Variants in ZNF280D observed in about 807,000 individuals in gnomAD.
The protein encoded by ZNF280D is zinc finger protein 280D, also known as suppressor of hairy wing homolog 4.
Under a neutral mutation model 94.7 loss-of-function variants are expected in ZNF280D, and 39 were observed. That is an observed-to-expected ratio of 0.41 (90% CI 0.32 to 0.54). The LOEUF is 0.54. Ranked by LOEUF, ZNF280D falls within the 20% of genes least tolerant of loss-of-function variation. The pLI, the probability that ZNF280D is intolerant of heterozygous loss-of-function variation, is 0.22. For synonymous variants in ZNF280D, 398 were observed against 377.6 expected (o/e 1.05, Z -0.63); for missense variants, 1,090 against 1,149.3 (o/e 0.95, Z 0.75).
At chr15:56,656,659 T>A (rs77012161) in intron 17 of ZNF280D, among the ~76,000 whole-genome samples, 5 of 152,188 alleles carry the variant, frequency 3.3e-5, no homozygotes, top group African/African-American at 1.2e-4. Flanking sequence ...GGGACCTATT[T>A]TCCACGTACA....
intron 6 of ZNF280D, chr15:56,699,270 A>C (rs893701926): frequency 4.0e-5 from 23 of 572,012 alleles, no homozygotes; most frequent in African/African-American, 6.1e-5. Flanking sequence ...ATAGTTATTT[A>C]ATAGAAATGA....
chr15:56,708,621 C>T (rs1488997093), intron 1 of ZNF280D, among the ~76,000 whole-genome samples: 1 of 152,130 alleles, frequency 6.6e-6, no homozygotes, highest in Non-Finnish European at 1.5e-5. Flanking sequence ...TACAAGGCTA[C>T]AGTAACCAAA....
At chr15:56,655,266 G>A (rs1261606477) in intron 17 of ZNF280D, among the ~76,000 whole-genome samples, 4 of 152,200 alleles carry the variant, frequency 2.6e-5, no homozygotes, top group Non-Finnish European at 5.9e-5. Context: ...GGAGTGCAGT[G>A]GCGTGATCTC....
chr15:56,731,584 G>T (rs2058893376), intron 1 of ZNF280D, among the ~76,000 whole-genome samples: 1 of 150,088 alleles, frequency 6.7e-6, no homozygotes, highest in African/African-American at 2.4e-5. Flanking sequence ...ACTACACCAC[G>T]TTAGATTTTA....
Position 56,631,335 on chromosome 15 carries a change from T to C in ZNF280D, c.*163A>G, listed in dbSNP as rs2052059979. On this transcript the variant is annotated 3_prime_UTR_variant, in exon 22 of 22. Coordinates refer to ENST00000267807, the MANE Select transcript of ZNF280D (RefSeq NM_017661.4). ...TACTAATCATGCTATTATTGGTGAATTGATTTGTTTGATAACATAGGTTGA... is the reference window on the plus strand; with the variant it reads ...TACTAATCATGCTATTATTGGTGAACTGATTTGTTTGATAACATAGGTTGA... The C allele has an allele frequency of 4.3e-6, 3 of 689,700 alleles. No homozygotes were observed. In the East Asian group the frequency reaches 7.9e-5, roughly 18 times the overall value. 42.7% of individuals were successfully genotyped at this position (689,700 alleles called of 1,614,324 possible).
intron 17 of ZNF280D, 25 bp from the exon 18 acceptor site, chr15:56,654,528 G>T: frequency 6.5e-7 from 1 of 1,536,650 alleles, no homozygotes; most frequent in Non-Finnish European, 8.7e-7. Flanking sequence ...ATTAAAAAAA[G>T]ATTTTTATCT....
At chr15:56,730,609 A>C (rs1432459735) in intron 1 of ZNF280D, 1 of 152,244 alleles carries the variant, frequency 6.6e-6, no homozygotes, top group Non-Finnish European at 1.5e-5. Context: ...CTATGGCTAA[A>C]ATGGTCCTAA....
rs149106603 is a variant in ZNF280D at position 56,656,030 on chromosome 15, T to C, written c.2058-1527A>G. On this transcript the variant is annotated intron_variant, in intron 17 of 21. Coordinates refer to ENST00000267807, the MANE Select transcript of ZNF280D (RefSeq NM_017661.4). ...ATCCTTTAAAGCCAAGTAGGCCTAA[T>C]ACCTATCCAGATCACTACAAGAACT... Among the ~76,000 whole-genome samples, 43 of 152,312 alleles carry C rather than the reference T, an allele frequency of 2.8e-4. 1 individual carries two copies. The East Asian group carries it at 6.9e-3, about 25-fold the overall frequency.
At chr15:56,720,993 C>T (rs1321373035) in intron 1 of ZNF280D, among the ~76,000 whole-genome samples, 1 of 146,786 alleles carries the variant, frequency 6.8e-6, no homozygotes, top group Non-Finnish European at 1.5e-5. Context: ...GACAGAGTCT[C>T]GCTCCATTGA....
At chr15:56,729,436 T>A (rs1286884838) in intron 1 of ZNF280D, among the ~76,000 whole-genome samples, 1 of 152,184 alleles carries the variant, frequency 6.6e-6, no homozygotes, top group East Asian at 1.9e-4. Flanking sequence ...TGATTCTTAT[T>A]GTCCTAAGGA....
At chr15:56,635,037 A>G (rs979301489) in intron 21 of ZNF280D, 158 bp downstream of exon 21, 214 of 369,632 alleles carry the variant, frequency 5.8e-4, no homozygotes, top group Non-Finnish European at 6.5e-4. Flanking sequence ...TCTTGGATTA[A>G]AGTTTTTAAG....
chr15:56,706,909 AT>A (rs1443474302), intron 3 of ZNF280D, among the ~76,000 whole-genome samples, 172 bp downstream of exon 3: 1 of 152,046 alleles, frequency 6.6e-6, no homozygotes, highest in African/African-American at 2.4e-5. Flanking sequence ...AAACACTTCT[AT>A]TTTACTCACT....
At chr15:56,664,206 TGTTA>T (rs1385864284) in intron 16 of ZNF280D, among the ~76,000 whole-genome samples, 2 of 152,044 alleles carry the variant, frequency 1.3e-5, no homozygotes, top group East Asian at 1.9e-4. Context: ...AAAAGAGGAA[TGTTA>T]GTTGGTAGGT....
chr15:56,673,076 G>A (rs2054975918), intron 13 of ZNF280D, among the ~76,000 whole-genome samples: 7 of 151,998 alleles, frequency 4.6e-5, no homozygotes, highest in Admixed American at 4.6e-4. Context: ...CAGGTAAAAA[G>A]TTCACCAGAG....
At position 56,646,560 on chromosome 15, in the gene ZNF280D, T is replaced by A. The variant is rs374732627; in HGVS notation, c.2214-3563A>T. Among the ~76,000 whole-genome samples, 6 of 152,360 alleles carry A rather than the reference T, an allele frequency of 3.9e-5. No homozygotes were observed. In the South Asian group the frequency reaches 1.2e-3, roughly 32 times the overall value. On this transcript the variant is annotated intron_variant, in intron 19 of 21. Coordinates refer to ENST00000267807, the MANE Select transcript of ZNF280D (RefSeq NM_017661.4). ...ACAGTAAAACATCTACTCTACCATT[T>A]CTGATCATTTGTTCTGAGAATTATC...
At chr15:56,647,544 A>T (rs2140609485) in intron 19 of ZNF280D, among the ~76,000 whole-genome samples, 1 of 151,978 alleles carries the variant, frequency 6.6e-6, no homozygotes, top group Non-Finnish European at 1.5e-5. Context: ...TTATTTATTT[A>T]TTTTTTAAAC....
chr15:56,642,873 T>C, intron 20 of ZNF280D, 79 bp downstream of exon 20: 1 of 1,101,074 alleles, frequency 9.1e-7, no homozygotes, highest in Non-Finnish European at 1.2e-6. Context: ...CATGCTGAAA[T>C]TGAAAAAAAA....
At chr15:56,705,465 T>TA (rs2057348606) in intron 3 of ZNF280D, among the ~76,000 whole-genome samples, 1 of 152,180 alleles carries the variant, frequency 6.6e-6, no homozygotes, top group African/African-American at 2.4e-5. Flanking sequence ...TTCAAATCTT[T>TA]CCTCCACTGT....
chr15:56,638,446 T>TA (rs1189328003), intron 20 of ZNF280D, among the ~76,000 whole-genome samples: 1 of 152,178 alleles, frequency 6.6e-6, no homozygotes, highest in East Asian at 1.9e-4. Context: ...TTTGGTGCAG[T>TA]ATCAAAGGAG....
Sources: gnomAD v4.1 joint callset for allele counts (sites outside exome capture counted in the v4.1 genomes callset) on GRCh38, gnomAD v4.1.1 for gene constraint, MANE v1.5 for transcripts, NCBI Gene and HGNC (gene_info 2026-07-23, HGNC 2026-07-21) for gene names.